The following SMC5 variants were observed in gnomAD, a reference collection of about 807,000 sequenced individuals.
The protein encoded by SMC5 is structural maintenance of chromosomes protein 5.
A neutral mutation model predicts 148.3 loss-of-function variants in SMC5; 88 were observed. That is an observed-to-expected ratio of 0.59 (90% CI 0.50 to 0.71). The LOEUF is 0.71. SMC5 is among the 30% of genes least tolerant of loss of function. SMC5 has a pLI of 0.00. For missense variants in SMC5, 1,142 were observed against 1,298.9 expected, an observed-to-expected ratio of 0.88 and a Z score of 1.86; for synonymous variants, 421 against 432.8, an observed-to-expected ratio of 0.97 and a Z score of 0.34.
chr9:70,265,266 C>T (rs1011724871), intron 2 of SMC5, among the ~76,000 whole-genome samples: 2 of 152,100 alleles, frequency 1.3e-5, no homozygotes, highest in African/African-American at 4.8e-5. Context: ...CCAGACCAGC[C>T]TGGTCAACAT....
intron 2 of SMC5, 119 bp from the exon 3 acceptor site, chr9:70,267,804 A>G (rs2034331371): frequency 1.3e-6 from 1 of 768,134 alleles, no homozygotes; most frequent in Admixed American, 2.6e-5. Flanking sequence ...GACAGGAGCG[A>G]ACATACAAGT....
intron 8 of SMC5, among the ~76,000 whole-genome samples, chr9:70,291,580 G>A (rs561236731): frequency 6.6e-6 from 1 of 152,260 alleles, no homozygotes; most frequent in African/African-American, 2.4e-5. Context: ...TCATTCCCCA[G>A]CCTTTTCTTT....
intron 11 of SMC5, chr9:70,312,081 A>C (rs1234737598): frequency 3.3e-5 from 4 of 121,992 alleles, no homozygotes; most frequent in African/African-American, 1.3e-4. Context: ...AGATCGCGCC[A>C]CTGCACTCCA....
intron 12 of SMC5, among the ~76,000 whole-genome samples, chr9:70,315,244 T>C (rs1263270042): frequency 3.9e-5 from 6 of 151,942 alleles, no homozygotes; most frequent in African/African-American, 1.4e-4. Context: ...AAAAGAGTAG[T>C]TTGTAATCAT....
At chr9:70,284,236 ATTAAACAG>A (rs1554690949) in intron 7 of SMC5, among the ~76,000 whole-genome samples, 1 of 152,214 alleles carries the variant, frequency 6.6e-6, no homozygotes, top group Non-Finnish European at 1.5e-5. Context: ...AGTCCAAAAA[ATTAAACAG>A]TTACTAAGAT....
intron 17 of SMC5, among the ~76,000 whole-genome samples, chr9:70,342,700 G>A (rs2036559690): frequency 1.3e-5 from 2 of 152,176 alleles, no homozygotes; most frequent in Admixed American, 1.3e-4. Flanking sequence ...GGTTGTAACA[G>A]TGCTTGACCT....
chr9:70,319,039 A>C (rs2035881339), intron 15 of SMC5, 76 bp downstream of exon 15: 3 of 1,291,364 alleles, frequency 2.3e-6, no homozygotes, highest in Non-Finnish European at 3.1e-6. Flanking sequence ...TGTAATAACA[A>C]CAGCATTTCC....
chr9:70,331,647 T>C (rs898826576), intron 17 of SMC5, among the ~76,000 whole-genome samples: 1 of 152,190 alleles, frequency 6.6e-6, no homozygotes, highest in Non-Finnish European at 1.5e-5. Flanking sequence ...ATGTTGGTTA[T>C]GAGTTGATAA....
intron 6 of SMC5, among the ~76,000 whole-genome samples, chr9:70,282,039 G>T (rs1368403024): frequency 1.1e-3 from 128 of 120,382 alleles, no homozygotes; most frequent in Non-Finnish European, 1.5e-3. Flanking sequence ...TTTTCATTTT[G>T]TTTTTTTTTT....
intron 8 of SMC5, among the ~76,000 whole-genome samples, chr9:70,296,712 T>C (rs900491416): frequency 6.6e-6 from 1 of 152,232 alleles, no homozygotes; most frequent in African/African-American, 2.4e-5. Flanking sequence ...AAACAGATTA[T>C]GTGATGTGTT....
chr9:70,318,204 T>C (rs1200902428), intron 13 of SMC5, among the ~76,000 whole-genome samples: 2 of 152,016 alleles, frequency 1.3e-5, no homozygotes, highest in African/African-American at 2.4e-5. Flanking sequence ...ATAGGAAGCA[T>C]GGAAAAACTC....
Position 70,344,267 on chromosome 9 carries a change from A to G in SMC5, c.2521A>G (p.Thr841Ala), listed in dbSNP as rs779118175. The G allele has an allele frequency of 6.9e-6, 10 of 1,456,730 alleles. No individual in the cohort carries two copies. The highest frequency in any genetic ancestry group is 2.4e-5 in the Admixed American group (1 of 41,538). 90.2% of individuals were successfully genotyped at this position (1,456,730 alleles called of 1,614,324 possible). A position where few individuals can be genotyped will look rare whatever the true frequency, so the allele number is the denominator to read the frequency against. The change falls in exon 18 of 25, where the codon ACA (threonine) becomes GCA (alanine). Residue 841 changes from threonine (T) to alanine (A), a missense_variant and splice_region_variant. Thr to Ala is a moderately conservative substitution (Grantham distance 58). This residue lies in a region of SMC5 where 743 missense variants were observed against 835.7 expected (regional missense o/e 0.89). Transcript: ENST00000361138. ...GCAGACTCTTCCTCAAGAATACCAGACAGTAAGTATAAAAAGTATATAATG... is the reference window on the plus strand; with the variant it reads ...GCAGACTCTTCCTCAAGAATACCAGGCAGTAAGTATAAAAAGTATATAATG... ...AEQTLPQEYQ[T>A]QVPTIPNGHN...
chr9:70,279,622 G>A (rs1333415396), intron 5 of SMC5, among the ~76,000 whole-genome samples: 1 of 152,050 alleles, frequency 6.6e-6, no homozygotes, highest in African/African-American at 2.4e-5. Context: ...TTTGAGACCA[G>A]CCTGGCCAAC....
chr9:70,304,765 G>C (rs1476077801), intron 10 of SMC5, among the ~76,000 whole-genome samples: 1 of 151,740 alleles, frequency 6.6e-6, no homozygotes, highest in Non-Finnish European at 1.5e-5. Flanking sequence ...TCTCTTGAGG[G>C]CTGTAATAGT....
intron 2 of SMC5, among the ~76,000 whole-genome samples, chr9:70,265,624 G>A (rs1168584912): frequency 6.6e-6 from 1 of 151,950 alleles, no homozygotes; most frequent in Admixed American, 6.6e-5. Context: ...TTTTTAATAA[G>A]CATATCTAAA....
At chr9:70,316,876 A>G (rs1358179497) in intron 13 of SMC5, among the ~76,000 whole-genome samples, 2 of 152,096 alleles carry the variant, frequency 1.3e-5, no homozygotes, top group African/African-American at 4.8e-5. Context: ...TTATATTAAA[A>G]GTGAAATTCT....
chr9:70,313,126 T>C (rs1411225286), intron 11 of SMC5, among the ~76,000 whole-genome samples: 1 of 152,196 alleles, frequency 6.6e-6, no homozygotes, highest in East Asian at 1.9e-4. Context: ...CAAATTGTGT[T>C]TTTAAGAAAT....
chr9:70,266,402 A>C (rs2034293898), intron 2 of SMC5, among the ~76,000 whole-genome samples: 1 of 152,186 alleles, frequency 6.6e-6, no homozygotes, highest in African/African-American at 2.4e-5. Context: ...GATAGCATCC[A>C]AGGACCAACT....
In SMC5 at chr9:70,292,993, A is replaced by G. The variant is rs548250571; in HGVS notation, c.1054-4973A>G. On this transcript the variant is annotated intron_variant, in intron 8 of 24. Coordinates refer to ENST00000361138, the MANE Select transcript of SMC5 (RefSeq NM_015110.4). Reference sequence around the variant, plus strand: ...TCTGCCTAGTTTTGGTATTAGGATAATAACTAGCTTCATAAAATGAATTGG... The same window carrying G: ...TCTGCCTAGTTTTGGTATTAGGATAGTAACTAGCTTCATAAAATGAATTGG... 3.3e-5 allele frequency among the ~76,000 whole-genome samples: 5 copies of G among 152,106 alleles called. No individual in the cohort carries two copies. The South Asian group carries it at 1.0e-3, about 32-fold the overall frequency.
Sources: allele counts gnomAD v4.1 joint callset (sites outside exome capture counted in the v4.1 genomes callset), GRCh38; gene constraint gnomAD v4.1.1; regional missense constraint gnomAD v4.1.1; transcripts MANE v1.5; gene names NCBI Gene and HGNC (gene_info 2026-07-23, HGNC 2026-07-21).